The following PSPC1 variants were observed in gnomAD, a reference collection of about 807,000 sequenced individuals.
PSPC1 encodes paraspeckle protein 1.
PSPC1 carries 14 observed loss-of-function variants against 51.6 expected under a neutral mutation model. The observed-to-expected ratio is 0.27, with a 90% CI of 0.18 to 0.42. The LOEUF (loss-of-function observed/expected upper bound fraction) is 0.42. PSPC1 is among the 10% of genes least tolerant of loss of function. The pLI is 1.00. For missense variants in PSPC1, 406 were observed against 701.1 expected (o/e 0.58, Z 4.75); for synonymous variants, 193 against 231.9 (o/e 0.83, Z 1.53).
At chr13:19,730,671 A>G (rs534629544) in intron 5 of PSPC1, among the ~76,000 whole-genome samples, 13 of 152,156 alleles carry the variant, frequency 8.5e-5, no homozygotes, top group African/African-American at 3.1e-4. Context: ...AAAGGAAAAA[A>G]TCTCAGCCAG....
intron 3 of PSPC1, among the ~76,000 whole-genome samples, chr13:19,755,438 A>G (rs1566032882): frequency 6.6e-6 from 1 of 151,914 alleles, no homozygotes; most frequent in Non-Finnish European, 1.5e-5. Flanking sequence ...AAATACAACA[A>G]TTAGCTGAGC....
At chr13:19,671,830 A>C (rs750170591), downstream of PSPC1, 1 of 1,614,106 alleles carries the variant, frequency 6.2e-7, no homozygotes, top group Admixed American at 1.7e-5. Flanking sequence ...TTTTCTTTCA[A>C]CAGGTTAAGT....
At chr13:19,679,841 AAC>A (rs1396664481) in intron 6 of PSPC1, among the ~76,000 whole-genome samples, 2 of 152,222 alleles carry the variant, frequency 1.3e-5, no homozygotes, top group Non-Finnish European at 2.9e-5. Context: ...CAAACTGGAC[AAC>A]AGTGTCACTT....
At chr13:19,735,986 A>C (rs1199950882) in intron 5 of PSPC1, among the ~76,000 whole-genome samples, 5 of 151,944 alleles carry the variant, frequency 3.3e-5, no homozygotes, top group African/African-American at 1.2e-4. Flanking sequence ...ACGTCCGGCT[A>C]ATTTTTTGTA....
At chr13:19,765,341 A>T (rs141460771) in intron 2 of PSPC1, among the ~76,000 whole-genome samples, 4,776 of 132,440 alleles carry the variant, frequency 0.036, 177 homozygotes, top group African/African-American at 0.1. Flanking sequence ...TAATAATAAT[A>T]ATAATTATTA....
intron 6 of PSPC1, among the ~76,000 whole-genome samples, chr13:19,713,545 CAAAA>C (rs61024238): frequency 2.2e-3 from 189 of 87,214 alleles, no homozygotes; most frequent in African/African-American, 6.0e-3. Flanking sequence ...CCCAGACAGC[CAAAA>C]AAAAAAAAAA....
intron 6 of PSPC1, among the ~76,000 whole-genome samples, chr13:19,723,542 A>G (rs754038291): frequency 8.5e-5 from 13 of 152,200 alleles, no homozygotes; most frequent in Non-Finnish European, 1.6e-4. Flanking sequence ...TTTGTATGAA[A>G]AATTCTACGG....
At chr13:19,700,168 A>G (rs1879733483), downstream of PSPC1, among the ~76,000 whole-genome samples, 1 of 152,074 alleles carries the variant, frequency 6.6e-6, no homozygotes, top group Admixed American at 6.5e-5. Context: ...ATGACTACTA[A>G]TCATTCACAT....
intron 4 of PSPC1, among the ~76,000 whole-genome samples, chr13:19,744,105 T>A (rs1171527464): frequency 6.6e-6 from 1 of 152,084 alleles, no homozygotes; most frequent in African/African-American, 2.4e-5. Context: ...CGAAACTCCA[T>A]CTCAAAAACA....
chr13:19,741,445 A>G, intron 5 of PSPC1, 120 bp downstream of exon 5: 1 of 690,552 alleles, frequency 1.4e-6, no homozygotes, highest in Non-Finnish European at 2.4e-6. Context: ...GTATGTGGTT[A>G]AAATGGGCAA....
intron 4 of PSPC1, 99 bp downstream of exon 4, chr13:19,751,171 TA>T: frequency 1.1e-6 from 1 of 944,980 alleles, no homozygotes; most frequent in Non-Finnish European, 1.5e-6. Context: ...ACTTTACCTC[TA>T]AACTCCTAAA....
intron 7 of PSPC1, among the ~76,000 whole-genome samples, chr13:19,706,874 A>ACTT (rs1484275552): frequency 6.6e-6 from 1 of 152,124 alleles, no homozygotes; most frequent in East Asian, 1.9e-4. Flanking sequence ...CTGGCATCAT[A>ACTT]CTTCTGCTCT....
chr13:19,704,894 T>C (rs963852705), intron 8 of PSPC1, among the ~76,000 whole-genome samples: 1 of 152,152 alleles, frequency 6.6e-6, no homozygotes. Flanking sequence ...GGTTTGGAAA[T>C]ACACAAAAAC....
At chr13:19,766,522 A>G (rs1424874561) in intron 2 of PSPC1, among the ~76,000 whole-genome samples, 2 of 152,064 alleles carry the variant, frequency 1.3e-5, no homozygotes, top group Non-Finnish European at 2.9e-5. Flanking sequence ...GCGAAAATAC[A>G]AAAAGTAAAA....
rs1021675982 is a variant in PSPC1 at position 19,707,711 on chromosome 13, C to T, written c.1216+1831G>A. Among the ~76,000 whole-genome samples the T allele has an allele frequency of 1.4e-3, 218 of 152,210 alleles. 2 individuals are homozygous for T. The highest frequency in any genetic ancestry group is 4.9e-3 in the African/African-American group (204 of 41,562). On this transcript the variant is annotated intron_variant, in intron 7 of 8. Transcript: ENST00000338910. ...TAAATAAGGACTCTAAAGGCATATTCTGATATTTCTTCTGATAAAATTGCA... is the reference window on the plus strand; with the variant it reads ...TAAATAAGGACTCTAAAGGCATATTTTGATATTTCTTCTGATAAAATTGCA...
chr13:19,732,938 A>T (rs1370696775), intron 5 of PSPC1, among the ~76,000 whole-genome samples: 1 of 141,420 alleles, frequency 7.1e-6, no homozygotes, highest in South Asian at 2.3e-4. Flanking sequence ...AAAAAAAAAG[A>T]AAAAGAAAAA....
chr13:19,709,574 T>A lies in PSPC1; in HGVS notation c.1184A>T (p.Asp395Val). The part of the protein sequence containing the change: ...ENREQEMRMG[D>V]MGPRGAINMG... ...GTTTATTGCTCCACGGGGACCCATA[T>A]CACCCATTCTCATTTCCTGTTCTCT... The change falls in exon 7 of 9, where the codon GAT becomes GTT. Residue 395 changes from aspartate to valine, a missense_variant. Around this residue, in one of 5 missense-constraint regions of PSPC1, gnomAD observed 61 missense variants for 78.4 expected, o/e 0.78. Coordinates refer to ENST00000338910, the MANE Select transcript of PSPC1 (RefSeq NM_001354909.2). The A allele has an allele frequency of 6.2e-7, 1 of 1,612,680 alleles. No homozygotes were observed.
intron 6 of PSPC1, among the ~76,000 whole-genome samples, chr13:19,689,515 C>G (rs1245069244): frequency 6.6e-6 from 1 of 152,094 alleles, no homozygotes; most frequent in African/African-American, 2.4e-5. Context: ...ATCATAATGT[C>G]AACTTGAACA....
At chr13:19,697,185 C>T (rs1298474901) in intron 6 of PSPC1, among the ~76,000 whole-genome samples, 1 of 152,148 alleles carries the variant, frequency 6.6e-6, no homozygotes, top group East Asian at 1.9e-4. Flanking sequence ...ACAGTAGCAG[C>T]GTCATCACAT....
Sources: gnomAD v4.1 joint callset for allele counts (sites outside exome capture counted in the v4.1 genomes callset) on GRCh38, gnomAD v4.1.1 for gene constraint, gnomAD v4.1.1 regional missense constraint, MANE v1.5 for transcripts, NCBI Gene and HGNC (gene_info 2026-07-23, HGNC 2026-07-21) for gene names.